Variants in CHD4 observed in about 807,000 individuals in gnomAD.
CHD4 encodes chromodomain helicase DNA binding protein 4.
CHD4 carries 35 observed loss-of-function variants against 235.5 expected under a neutral mutation model. The observed-to-expected ratio is 0.15, with a 90% CI of 0.11 to 0.20. The LOEUF (loss-of-function observed/expected upper bound fraction) is 0.20, where lower values mean the gene tolerates loss of function less well. Ranked by LOEUF, CHD4 falls within the 10% of genes least tolerant of loss-of-function variation. CHD4 has a pLI of 1.00. For synonymous variants in CHD4, 900 were observed against 850.2 expected, an observed-to-expected ratio of 1.06 and a Z score of -1.02; for missense variants, 1,329 against 2,432.3, an observed-to-expected ratio of 0.55 and a Z score of 9.54.
At chr12:6,601,254 T>C in intron 6 of CHD4, 35 bp downstream of exon 6, 1 of 1,605,590 alleles carries the variant, frequency 6.2e-7, no homozygotes, top group African/African-American at 1.3e-5. Flanking sequence ...AAGCCCACAC[T>C]AGACACCCCC....
In CHD4 at chr12:6,599,910, T is replaced by C; in HGVS notation, c.1345A>G (p.Met449Val). 6.2e-7 allele frequency: 1 copy of C among 1,614,152 alleles called. No individual in the cohort carries two copies. Among genetic ancestry groups the C allele is most frequent in the South Asian group, 1.1e-5 (1 of 91,078 alleles). ...TCCTTGCAGACCCGACAGAATTCCA[T>C]ATGGTGGTCATCCTCCTCTTCGAGG... ...GDLEEEDDHH[M>V]EFCRVCKDGG... Residue 449 changes from methionine (M) to valine (V), a missense_variant, in exon 10 of 40, where the codon ATG becomes GTG. Met to Val is a conservative substitution (Grantham distance 21). This residue lies in a region of CHD4 where 33 missense variants were observed against 84.2 expected (regional missense o/e 0.39). Transcript: ENST00000544040.
rs144662304 is a variant in CHD4, at chr12:6,597,986, G to C, written c.1800C>G (p.Asn600Lys). The change falls in exon 12 of 40, where the codon AAC becomes AAG. Residue 600 changes from asparagine to lysine, a missense_variant. Transcript: ENST00000544040. ...CCATCTCTGCAAATTTAGGGTCCTT[G>C]TTCTTTCGCTTTCGGCTTTTCTCTT... ...GDEEKSRKRK[N>K]KDPKFAEMEE... The C allele has an allele frequency of 1.9e-6, 3 of 1,614,074 alleles. No individual in the cohort carries two copies. The highest frequency in any genetic ancestry group is 2.7e-5 in the African/African-American group (2 of 74,920).
At position 6,598,020 on chromosome 12, in the gene CHD4, C is replaced by A; in HGVS notation, c.1766G>T (p.Gly589Val). 2 of 1,614,226 alleles carry A rather than the reference C, an allele frequency of 1.2e-6. No individual in the cohort carries two copies. The highest frequency in any genetic ancestry group is 2.7e-5 in the African/African-American group (2 of 75,054). Residue 589 changes from glycine to valine, a missense_variant, in exon 12 of 40, where the codon GGT becomes GTT. By Grantham distance (109) the Gly-to-Val change is moderately radical. Around this residue, in one of 26 missense-constraint regions of CHD4, gnomAD observed 121 missense variants for 177.8 expected, o/e 0.68. Coordinates refer to ENST00000544040, the MANE Select transcript of CHD4 (RefSeq NM_001273.5). ...CTTTCGGCTTTTCTCTTCATCACCA[C>A]CAAAGTCCCCAGAAGGTGGCTCATC... ...DMDEPPSGDF[G>V]GDEEKSRKRK...
intron 29 of CHD4, 102 bp downstream of exon 29, chr12:6,582,513 A>C: frequency 1.3e-6 from 2 of 1,490,940 alleles, no homozygotes; most frequent in Admixed American, 2.3e-5. Flanking sequence ...CAACAGAGAA[A>C]ATAGCCCACT....
chr12:6,571,838 G>A (rs1368218514), intron 38 of CHD4: 2 of 152,296 alleles, frequency 1.3e-5, no homozygotes, highest in Admixed American at 1.3e-4. Context: ...GCAGGCGCCT[G>A]TAATCCCAGC....
rs1189491208 is a variant in CHD4 at position 6,591,181 on chromosome 12, C to T, written c.3340+285G>A. The T allele has an allele frequency of 1.5e-5, 3 of 198,634 alleles. No homozygotes were observed. The East Asian group carries it at 3.4e-4, about 23-fold the overall frequency. 12.3% of individuals were successfully genotyped at this position (198,634 alleles called of 1,614,324 possible). A position where few individuals can be genotyped will look rare whatever the true frequency, so the allele number is the denominator to read the frequency against. On this transcript the variant is annotated intron_variant, in intron 22 of 39. Transcript: ENST00000544040. Reference sequence around the variant, plus strand: ...GTAGCGTCTACTGAGGCAGACAAGTCTGCTAGTAACTTGCTATTTGAGCTT... The same window carrying T: ...GTAGCGTCTACTGAGGCAGACAAGTTTGCTAGTAACTTGCTATTTGAGCTT...
At position 6,570,889 on chromosome 12, in the gene CHD4, G is replaced by A; in HGVS notation, c.5701C>T (p.Pro1901Ser). 2 of 1,614,164 alleles carry A rather than the reference G, an allele frequency of 1.2e-6. No homozygotes were observed. Among genetic ancestry groups the A allele is most frequent in the Non-Finnish European group, 1.7e-6 (2 of 1,180,028 alleles). ...CCTACCTGCTGTGGGGTAGGTTCGG[G>A]TGCCCGGTTTGCCAGGCGGCTGAGA... ...NILSRLANRA[P>S]EPTPQQVAQQ... Residue 1901 changes from proline (P) to serine (S), a missense_variant, in exon 39 of 40, where the codon CCC becomes TCC. Coordinates refer to ENST00000544040, the MANE Select transcript of CHD4 (RefSeq NM_001273.5).
In CHD4 at chr12:6,594,558, G is replaced by T; in HGVS notation, c.2214C>A (p.Arg738=). 1 of 1,614,202 alleles carries T rather than the reference G, an allele frequency of 6.2e-7. No individual in the cohort carries two copies. Among genetic ancestry groups the T allele is most frequent in the Non-Finnish European group, 8.5e-7 (1 of 1,180,024 alleles). The change falls in exon 15 of 40, where the codon CGC becomes CGA. Residue 738 remains arginine, a synonymous_variant. Coordinates refer to ENST00000544040, the MANE Select transcript of CHD4 (RefSeq NM_001273.5). The part of the protein sequence containing the change: ...PYQMEGLNWL[R]FSWAQGTDTI... ...TGTCAGTGCCCTGAGCCCAGGAGAA[G>T]CGCAACCAATTCAGGCCCTCCATTT...
chr12:6,585,816 G>A (rs1246323744), intron 25 of CHD4, among the ~76,000 whole-genome samples: 1 of 150,204 alleles, frequency 6.7e-6, no homozygotes, highest in East Asian at 2.0e-4. Context: ...CACACAAAGA[G>A]GCCAGGCGTA....
intron 2 of CHD4, among the ~76,000 whole-genome samples, chr12:6,605,205 G>T (rs946852650): frequency 5.3e-5 from 8 of 152,110 alleles, no homozygotes; most frequent in African/African-American, 1.9e-4. Context: ...AATGATGCTG[G>T]ATGAGAAACA....
intron 13 of CHD4, among the ~76,000 whole-genome samples, chr12:6,595,788 C>CA (rs141382153): frequency 0.094 from 7,740 of 82,360 alleles, 394 homozygotes; most frequent in East Asian, 0.37. Context: ...GACTTCGTCT[C>CA]AAAAAAAAAA....
At chr12:6,607,102 G>A (rs1350665164) in intron 1 of CHD4, 198 bp downstream of exon 1, 10 of 150,814 alleles carry the variant, frequency 6.6e-5, no homozygotes, top group African/African-American at 2.4e-4. Context: ...CGGGGAGCAA[G>A]ACTCCGGCAG....
At chr12:6,586,807 C>T (rs1392263431) in intron 25 of CHD4, 2 of 152,280 alleles carry the variant, frequency 1.3e-5, no homozygotes, top group East Asian at 3.9e-4. Context: ...AAGCAATTCT[C>T]CTGCCTCAGC....
chr12:6,588,231 A>T (rs1274236112), intron 23 of CHD4, 67 bp downstream of exon 23: 1 of 1,572,964 alleles, frequency 6.4e-7, no homozygotes. Flanking sequence ...TGGAGCCCTC[A>T]TAGAGGCCAC....
chr12:6,602,246 C>T, intron 3 of CHD4, 71 bp from the exon 4 acceptor site: 1 of 1,590,798 alleles, frequency 6.3e-7, no homozygotes, highest in Non-Finnish European at 8.6e-7. Flanking sequence ...CTCAGGACAG[C>T]CCTGAGGCTC....
rs1947950506 is a variant in CHD4, at chr12:6,570,697, GAGA to G, written c.5722-7_5722-5del. The stretch of plus-strand genomic sequence containing the variant: ...ATCTTCACTGCTGCTGGGCTACCTA[GAGA>G]AGGAGACCCGAGGAGTCAGAATTCC... On this transcript the variant is annotated splice_region_variant and splice_polypyrimidine_tract_variant and intron_variant, in intron 39 of 39. Transcript: ENST00000544040. 6.2e-7 allele frequency: 1 copy of G among 1,614,186 alleles called. No individual in the cohort carries two copies.
intron 37 of CHD4, among the ~76,000 whole-genome samples, chr12:6,576,022 G>C (rs17790300): frequency 4.0e-5 from 6 of 150,850 alleles, no homozygotes; most frequent in African/African-American, 1.2e-4. Context: ...TGTGAGTTCC[G>C]TCCCTACTCC....
chr12:6,595,196 G>A (rs1397683859), intron 14 of CHD4, 138 bp downstream of exon 14: 1 of 662,640 alleles, frequency 1.5e-6, no homozygotes, highest in Non-Finnish European at 2.6e-6. Flanking sequence ...GTGGAGAAGT[G>A]GGGAAGCCGA....
Position 6,581,067 on chromosome 12 carries a change from T to A in CHD4, c.4886A>T (p.Glu1629Val), listed in dbSNP as rs1303582400. The change falls in exon 33 of 40, where the codon GAA becomes GTA. Residue 1629 changes from glutamate (E) to valine (V), a missense_variant. This residue lies in a region of CHD4 where 219 missense variants were observed against 219.3 expected (regional missense o/e 1.00). Coordinates refer to ENST00000544040, the MANE Select transcript of CHD4 (RefSeq NM_001273.5). Reference sequence around the variant, plus strand: ...ACCTTTGGGCTCTGTCTCCATAGGTTCCTCTGTTCTCTCCTTCACCTCTGC... The same window carrying A: ...ACCTTTGGGCTCTGTCTCCATAGGTACCTCTGTTCTCTCCTTCACCTCTGC... Reference protein sequence around the residue: ...EKAEVKERTEEPMETEPKGAA... With the variant: ...EKAEVKERTEVPMETEPKGAA... The A allele has an allele frequency of 6.2e-7, 1 of 1,613,982 alleles. No individual in the cohort carries two copies. The highest frequency in any genetic ancestry group is 2.2e-5 in the East Asian group (1 of 44,878).
Sources: allele counts gnomAD v4.1 joint callset (sites outside exome capture counted in the v4.1 genomes callset), GRCh38; gene constraint gnomAD v4.1.1; regional missense constraint gnomAD v4.1.1; transcripts MANE v1.5; gene names NCBI Gene and HGNC (gene_info 2026-07-23, HGNC 2026-07-21).